CLCN3: variants seen among roughly 807,000 people sequenced by gnomAD.
CLCN3 encodes Cl-/H+ antiporter 3.
A neutral mutation model predicts 83.4 loss-of-function variants in CLCN3; 16 were observed. That is an observed-to-expected ratio of 0.19 (90% CI 0.13 to 0.29). The LOEUF (loss-of-function observed/expected upper bound fraction) is 0.29. Among genes scored for constraint, CLCN3 ranks in the 10% least tolerant of loss-of-function variants. The pLI, the probability that CLCN3 is intolerant of heterozygous loss-of-function variation, is 1.00. For missense variants in CLCN3, 544 were observed against 1,006.0 expected (o/e 0.54, Z 6.21); for synonymous variants, 322 against 346.2 (o/e 0.93, Z 0.78).
chr4:169,708,237 A>G (rs766843058), intron 11 of CLCN3, among the ~76,000 whole-genome samples: 4 of 152,202 alleles, frequency 2.6e-5, no homozygotes, highest in Non-Finnish European at 4.4e-5. Flanking sequence ...ACAAGACCAG[A>G]CAGTGTATGT....
chr4:169,627,868 G>A (rs556352236), intron 1 of CLCN3, among the ~76,000 whole-genome samples: 1 of 152,268 alleles, frequency 6.6e-6, no homozygotes. Context: ...GAAGAATAAG[G>A]TGTGAAAGAT....
chr4:169,674,887 A>G (rs1340253191), intron 2 of CLCN3, among the ~76,000 whole-genome samples: 1 of 151,936 alleles, frequency 6.6e-6, no homozygotes, highest in Admixed American at 6.6e-5. Flanking sequence ...AGTAGCTGGG[A>G]TTACAGGTGC....
intron 12 of CLCN3, among the ~76,000 whole-genome samples, chr4:169,718,167 A>C (rs763242124): frequency 3.3e-5 from 5 of 152,156 alleles, no homozygotes; most frequent in Non-Finnish European, 5.9e-5. Flanking sequence ...TCTTAAAGTG[A>C]ATATGGCAAA....
intron 9 of CLCN3, among the ~76,000 whole-genome samples, chr4:169,700,775 A>G (rs1732755622): frequency 6.6e-6 from 1 of 152,188 alleles, no homozygotes; most frequent in Admixed American, 6.5e-5. Context: ...AGTGCATATA[A>G]AAGTTCTGTT....
intron 2 of CLCN3, among the ~76,000 whole-genome samples, chr4:169,642,439 T>C (rs931402227): frequency 6.6e-6 from 1 of 152,202 alleles, no homozygotes; most frequent in African/African-American, 2.4e-5. Context: ...TATGAAACAG[T>C]GATTTTTAGG....
intron 2 of CLCN3, among the ~76,000 whole-genome samples, chr4:169,654,289 C>G (rs566279119): frequency 1.3e-5 from 2 of 151,898 alleles, no homozygotes; most frequent in African/African-American, 4.8e-5. Flanking sequence ...TCTCCCCTTG[C>G]CCTCCCCCAT....
intron 9 of CLCN3, chr4:169,702,666 G>GT (rs1308704313): frequency 1.3e-5 from 2 of 159,628 alleles, no homozygotes; most frequent in African/African-American, 4.8e-5. Context: ...AAATGGCCAG[G>GT]TATTGTGGCT....
chr4:169,714,307 G>A (rs1214266914), intron 12 of CLCN3, among the ~76,000 whole-genome samples: 9 of 150,786 alleles, frequency 6.0e-5, no homozygotes, highest in African/African-American at 2.2e-4. Context: ...TTAACATGTT[G>A]TAGAAAACAC....
Position 169,713,056 on chromosome 4 carries a change from T to C in CLCN3, c.2150-23T>C, listed in dbSNP as rs769450222. 3.2e-6 allele frequency: 5 copies of C among 1,578,392 alleles called. 1 individual carries two copies. In the South Asian group the frequency reaches 4.4e-5, roughly 14 times the overall value. On this transcript the variant is annotated intron_variant, in intron 11 of 12. Coordinates refer to ENST00000513761, the MANE Select transcript of CLCN3 (RefSeq NM_001829.4). ...TAAAAATCTATCAGTTTAAAAGTGT[T>C]GGTCTCTTCTCTCTCTTTTCAGAAA...
At position 169,721,784 on chromosome 4, in the gene CLCN3, G is replaced by C. The variant is rs1241808727; in HGVS notation, c.*1787G>C. The C allele has an allele frequency of 2.6e-5, 4 of 152,122 alleles. No individual in the cohort carries two copies. Among genetic ancestry groups the C allele is most frequent in the Non-Finnish European group, 4.4e-5 (3 of 68,028 alleles). The allele number at this position is 152,122 out of a possible 1,614,324, so 9.4% of individuals were successfully genotyped here. Reference sequence around the variant, plus strand: ...GCAAAGGCAGTTTACTCAAAGGACTGGGCTAAATATTCTGTAATTATGCAT... The same window carrying C: ...GCAAAGGCAGTTTACTCAAAGGACTCGGCTAAATATTCTGTAATTATGCAT... On this transcript the variant is annotated 3_prime_UTR_variant, in exon 13 of 13. Coordinates refer to ENST00000513761, the MANE Select transcript of CLCN3 (RefSeq NM_001829.4).
chr4:169,675,111 A>C (rs1406376238), intron 2 of CLCN3, among the ~76,000 whole-genome samples: 1 of 152,242 alleles, frequency 6.6e-6, no homozygotes, highest in Admixed American at 6.5e-5. Flanking sequence ...GGTAGAAGCA[A>C]ACATTTATTA....
In CLCN3 at chr4:169,713,875, T is replaced by G. The variant is rs115620549; in HGVS notation, c.2366+580T>G. Among the ~76,000 whole-genome samples, 1,023 of 152,342 alleles carry G rather than the reference T, an allele frequency of 6.7e-3. 9 individuals carry two copies. Among genetic ancestry groups the G allele is most frequent in the African/African-American group, 0.024 (982 of 41,572 alleles). On this transcript the variant is annotated intron_variant, in intron 12 of 12. Transcript: ENST00000513761. ...AAATCTTTTATATTTATATAACTGC[T>G]AAGGACAAATAAATACTCATGTATT...
chr4:169,715,064 T>A (rs551121240), intron 12 of CLCN3, among the ~76,000 whole-genome samples: 6 of 152,226 alleles, frequency 3.9e-5, no homozygotes, highest in African/African-American at 1.4e-4. Flanking sequence ...CAAGTTGTTT[T>A]CTGTTCCTGG....
chr4:169,663,329 G>A (rs1301712012), intron 2 of CLCN3, among the ~76,000 whole-genome samples: 1 of 150,258 alleles, frequency 6.7e-6, no homozygotes, highest in Non-Finnish European at 1.5e-5. Flanking sequence ...TGTTGTTGTT[G>A]TTGTTGTTGT....
intron 2 of CLCN3, among the ~76,000 whole-genome samples, chr4:169,668,055 T>G (rs890450694): frequency 2.0e-5 from 3 of 151,064 alleles, no homozygotes; most frequent in Admixed American, 6.6e-5. Context: ...TTTTTTTTTT[T>G]TTTTTTTTTT....
chr4:169,621,005 A>G lies in CLCN3; in HGVS notation c.-75A>G, dbSNP rs1218766855. 5.0e-6 allele frequency: 2 copies of G among 397,970 alleles called. No homozygotes were observed. The highest frequency in any genetic ancestry group is 2.1e-5 in the African/African-American group (1 of 48,624). The allele number at this position is 397,970 out of a possible 1,614,324, so 24.7% of individuals were successfully genotyped here. A position where few individuals can be genotyped will look rare whatever the true frequency, so the allele number is the denominator to read the frequency against. On this transcript the variant is annotated 5_prime_UTR_variant, in exon 1 of 13. Transcript: ENST00000513761. The stretch of plus-strand genomic sequence containing the variant: ...TAGGTTCTAGGTTTGAAACAGATGC[A>G]GAATCCAAAGGCAGCGCAAAAAACA...
intron 11 of CLCN3, among the ~76,000 whole-genome samples, chr4:169,710,023 A>G (rs559419591): frequency 2.6e-5 from 4 of 152,306 alleles, no homozygotes; most frequent in Non-Finnish European, 2.9e-5. Context: ...CTGGGACTCT[A>G]GAGTCCAGAG....
chr4:169,660,289 G>C (rs1054457611), intron 2 of CLCN3: 1 of 1,312,720 alleles, frequency 7.6e-7, no homozygotes, highest in Non-Finnish European at 9.6e-7. Flanking sequence ...GCTGCAGCAG[G>C]GATGGAAGAA....
intron 4 of CLCN3, among the ~76,000 whole-genome samples, chr4:169,688,706 GTTAA>G (rs1732253740): frequency 6.6e-6 from 1 of 152,244 alleles, no homozygotes; most frequent in East Asian, 1.9e-4. Context: ...TTATAAGTCT[GTTAA>G]TTAAGTTATC....
Sources: gnomAD v4.1 joint callset for allele counts (sites outside exome capture counted in the v4.1 genomes callset) on GRCh38, gnomAD v4.1.1 for gene constraint, MANE v1.5 for transcripts, NCBI Gene and HGNC (gene_info 2026-07-23, HGNC 2026-07-21) for gene names.